CNTNAP5: variants seen among roughly 807,000 people sequenced by gnomAD.
CNTNAP5 encodes the protein contactin associated protein family member 5.
In CNTNAP5, 72 loss-of-function variants were observed where a neutral mutation model predicts 150.2. The ratio of observed to expected loss-of-function variants is 0.48; its 90% CI spans 0.40 to 0.58. CNTNAP5 has a LOEUF of 0.58. Among genes scored for constraint, CNTNAP5 ranks in the 20% least tolerant of loss-of-function variants. The probability of loss-of-function intolerance (pLI) is 0.00; values close to 1 mark genes in which losing one functional copy is unlikely to be tolerated. For synonymous variants in CNTNAP5, 672 were observed against 619.8 expected, an observed-to-expected ratio of 1.08 and a Z score of -1.25; for missense variants, 1,636 against 1,626.2, an observed-to-expected ratio of 1.01 and a Z score of -0.10.
chr2:124,377,263 T>A (rs1222787933), intron 3 of CNTNAP5, among the ~76,000 whole-genome samples: 1 of 152,112 alleles, frequency 6.6e-6, no homozygotes, highest in East Asian at 1.9e-4. Flanking sequence ...AAGGATTTAT[T>A]CTTCAAAAAA....
At position 124,400,666 on chromosome 2, in the gene CNTNAP5, A is replaced by ATTTT. The variant is rs1573967848; in HGVS notation, c.382-16775_382-16774insTTTT. 1.4e-4 allele frequency among the ~76,000 whole-genome samples: 11 copies of ATTTT among 80,536 alleles called. No homozygotes were observed. The East Asian group carries it at 2.5e-3, about 18-fold the overall frequency. The allele number at this position is 80,536 out of a possible 152,430, so 52.8% of individuals were successfully genotyped here. ...ATTTAATTTTTGAAAGGATAAAGGC[A>ATTTT]TTGTTTTTTTTTTTTTTTTTTTGTT... On this transcript the variant is annotated intron_variant, in intron 3 of 23. Coordinates refer to ENST00000682447, the MANE Select transcript of CNTNAP5 (RefSeq NM_001367498.1).
At chr2:124,270,158 T>C (rs1445341383) in intron 3 of CNTNAP5, among the ~76,000 whole-genome samples, 1 of 151,810 alleles carries the variant, frequency 6.6e-6, no homozygotes, top group Non-Finnish European at 1.5e-5. Flanking sequence ...TCTACTAAAA[T>C]ACAAAAATTA....
At chr2:124,267,084 A>G (rs568259836) in intron 3 of CNTNAP5, among the ~76,000 whole-genome samples, 37 of 151,954 alleles carry the variant, frequency 2.4e-4, no homozygotes, top group Non-Finnish European at 3.4e-4. Context: ...GTAAAACTCT[A>G]TTTTAAGATT....
chr2:124,747,481 A>G (rs1024079129), intron 14 of CNTNAP5, 96 bp downstream of exon 14: 10 of 1,425,152 alleles, frequency 7.0e-6, no homozygotes, highest in Non-Finnish European at 9.8e-6. Flanking sequence ...GAGAAATTCA[A>G]TACAAACTGG....
chr2:124,760,319 GA>G (rs1006265893), intron 14 of CNTNAP5, among the ~76,000 whole-genome samples: 3 of 151,598 alleles, frequency 2.0e-5, no homozygotes, highest in East Asian at 1.9e-4. Flanking sequence ...CAAAAGAGGG[GA>G]AAAAAACCCA....
chr2:124,856,828 A>G (rs1440301981), intron 19 of CNTNAP5, among the ~76,000 whole-genome samples: 1 of 152,244 alleles, frequency 6.6e-6, no homozygotes. Flanking sequence ...AGTTATGTCT[A>G]CTTAGACGTA....
chr2:124,425,014 C>T (rs1051735093), intron 4 of CNTNAP5, among the ~76,000 whole-genome samples: 5 of 152,116 alleles, frequency 3.3e-5, no homozygotes, highest in African/African-American at 1.2e-4. Flanking sequence ...TAAAGGAAAC[C>T]TGAAAAGGGA....
chr2:124,816,473 C>T (rs1171836788), intron 19 of CNTNAP5, among the ~76,000 whole-genome samples: 6 of 107,642 alleles, frequency 5.6e-5, no homozygotes, highest in Admixed American at 1.1e-4. Context: ...TTGCAGCTTA[C>T]TTTTTTTTTT....
At chr2:124,532,586 G>A (rs561014832) in intron 10 of CNTNAP5, among the ~76,000 whole-genome samples, 1 of 152,310 alleles carries the variant, frequency 6.6e-6, no homozygotes, top group Non-Finnish European at 1.5e-5. Context: ...TGAGGAAGGT[G>A]TCTGAGGTGG....
At chr2:124,040,250 A>G (rs917169278) in intron 1 of CNTNAP5, among the ~76,000 whole-genome samples, 16 of 152,104 alleles carry the variant, frequency 1.1e-4, no homozygotes, top group Admixed American at 9.2e-4. Context: ...TGTGAACTTC[A>G]AATGTATTCG....
intron 1 of CNTNAP5, among the ~76,000 whole-genome samples, chr2:124,101,466 A>G (rs1012394176): frequency 2.0e-5 from 3 of 152,156 alleles, no homozygotes; most frequent in African/African-American, 2.4e-5. Context: ...AAAGGGGCAC[A>G]AGAATCCTAG....
intron 7 of CNTNAP5, among the ~76,000 whole-genome samples, chr2:124,492,711 G>A (rs1299498432): frequency 6.6e-6 from 1 of 151,884 alleles, no homozygotes; most frequent in East Asian, 1.9e-4. Flanking sequence ...CTCGAACATG[G>A]GATATCTTTC....
At chr2:124,327,452 G>A (rs1038554615) in intron 3 of CNTNAP5, among the ~76,000 whole-genome samples, 6 of 152,068 alleles carry the variant, frequency 3.9e-5, no homozygotes, top group Non-Finnish European at 8.8e-5. Flanking sequence ...AGGCCATGAT[G>A]GAAGTGGGGT....
intron 13 of CNTNAP5, among the ~76,000 whole-genome samples, chr2:124,743,111 C>G (rs1328083933): frequency 6.6e-6 from 1 of 152,112 alleles, no homozygotes; most frequent in African/African-American, 2.4e-5. Context: ...AAGTGCCTTC[C>G]TGGTTTTCAA....
intron 1 of CNTNAP5, among the ~76,000 whole-genome samples, chr2:124,142,109 AC>A (rs1453207861): frequency 1.4e-5 from 2 of 145,082 alleles, no homozygotes; most frequent in Non-Finnish European, 3.0e-5. Context: ...ATATTTATGC[AC>A]CCAATACAGG....
chr2:124,428,329 A>G (rs571043831), intron 4 of CNTNAP5, among the ~76,000 whole-genome samples: 6 of 152,200 alleles, frequency 3.9e-5, no homozygotes, highest in South Asian at 2.1e-4. Context: ...CCTCCTTCCA[A>G]TGGATGTAGA....
intron 9 of CNTNAP5, among the ~76,000 whole-genome samples, chr2:124,524,934 G>A (rs1558939515): frequency 1.3e-5 from 2 of 152,074 alleles, no homozygotes; most frequent in South Asian, 2.1e-4. Context: ...CATCCCTAGA[G>A]GCCATGCTCG....
At chr2:124,396,954 A>C (rs954995029) in intron 3 of CNTNAP5, among the ~76,000 whole-genome samples, 2 of 152,232 alleles carry the variant, frequency 1.3e-5, no homozygotes, top group African/African-American at 4.8e-5. Flanking sequence ...TTAGAGTCAA[A>C]TGCAGACAGG....
At chr2:124,663,189 C>T (rs542122212) in intron 13 of CNTNAP5, among the ~76,000 whole-genome samples, 2 of 152,270 alleles carry the variant, frequency 1.3e-5, no homozygotes, top group South Asian at 2.1e-4. Context: ...AAACCTGTTA[C>T]GGTTAAATCC....
Sources: gnomAD v4.1 joint callset for allele counts (sites outside exome capture counted in the v4.1 genomes callset) on GRCh38, gnomAD v4.1.1 for gene constraint, MANE v1.5 for transcripts, NCBI Gene and HGNC (gene_info 2026-07-23, HGNC 2026-07-21) for gene names.